The following CCDC85A variants were observed in gnomAD, a reference collection of about 807,000 sequenced individuals.
CCDC85A encodes the protein coiled-coil domain containing 85A, also known as coiled-coil domain-containing protein 85A.
Under a neutral mutation model 50.2 loss-of-function variants are expected in CCDC85A, and 38 were observed. The ratio of observed to expected loss-of-function variants is 0.76; its 90% CI spans 0.58 to 0.99. CCDC85A has a LOEUF of 0.99. Ranked by LOEUF, CCDC85A falls within the 50% of genes least tolerant of loss-of-function variation. The probability of loss-of-function intolerance (pLI) is 0.00; values close to 1 mark genes in which losing one functional copy is unlikely to be tolerated. For synonymous variants in CCDC85A, 366 were observed against 301.4 expected (o/e 1.21, Z -2.22); for missense variants, 820 against 742.0 (o/e 1.11, Z -1.22).
intron 2 of CCDC85A, among the ~76,000 whole-genome samples, chr2:56,217,528 C>T (rs941269720): frequency 1.8e-4 from 27 of 151,658 alleles, no homozygotes; most frequent in African/African-American, 6.1e-4. Context: ...TTTTTTGGTG[C>T]TTTAAAATGA....
At chr2:56,290,057 A>G (rs1428144425) in intron 2 of CCDC85A, among the ~76,000 whole-genome samples, 1 of 152,098 alleles carries the variant, frequency 6.6e-6, no homozygotes, top group Non-Finnish European at 1.5e-5. Context: ...GAGTTATTCT[A>G]CAGTCTGCTG....
chr2:56,371,329 A>T (rs1238862640), intron 3 of CCDC85A, among the ~76,000 whole-genome samples: 1 of 152,014 alleles, frequency 6.6e-6, no homozygotes, highest in Non-Finnish European at 1.5e-5. Context: ...TTCAACCTCC[A>T]AAAGTTAGAG....
chr2:56,203,761 G>A (rs1027058379), intron 2 of CCDC85A, among the ~76,000 whole-genome samples: 4 of 151,852 alleles, frequency 2.6e-5, no homozygotes, highest in African/African-American at 9.7e-5. Flanking sequence ...ACAGCTTTAC[G>A]GCAATGAAAA....
chr2:56,376,049 C>A, intron 5 of CCDC85A, 114 bp downstream of exon 5: 1 of 1,094,422 alleles, frequency 9.1e-7, no homozygotes. Context: ...TATTTTTTGA[C>A]TCCTTATGGT....
chr2:56,240,347 C>T (rs1669200802), intron 2 of CCDC85A, among the ~76,000 whole-genome samples: 1 of 152,146 alleles, frequency 6.6e-6, no homozygotes, highest in African/African-American at 2.4e-5. Flanking sequence ...AATGGGAAAC[C>T]TCTAGAGGGT....
chr2:56,375,926 T>G lies in CCDC85A; in HGVS notation c.1563T>G (p.His521Gln). 6.2e-7 allele frequency: 1 copy of G among 1,613,620 alleles called. No individual in the cohort carries two copies. The highest frequency in any genetic ancestry group is 8.5e-7 in the Non-Finnish European group (1 of 1,179,726). Residue 521 changes from histidine to glutamine, a missense_variant, in exon 5 of 6, where the codon CAT (histidine) becomes CAG (glutamine). Physicochemically the swap from His to Gln is conservative, Grantham distance 24. Transcript: ENST00000407595. ...CCCAGCAGCCTGAACCTGTGGTACA[T>G]TCTCTTAAGGTAACCAATCGTGTGC... ...TPSQQPEPVV[H>Q]SLKVVWRKLG...
intron 2 of CCDC85A, among the ~76,000 whole-genome samples, chr2:56,252,694 C>A (rs1406759730): frequency 1.3e-5 from 2 of 151,942 alleles, no homozygotes; most frequent in Non-Finnish European, 2.9e-5. Flanking sequence ...CCTCCTCGGG[C>A]CCCCCCGCCC....
At chr2:56,201,584 C>A (rs890954119) in intron 2 of CCDC85A, among the ~76,000 whole-genome samples, 4 of 152,198 alleles carry the variant, frequency 2.6e-5, no homozygotes, top group East Asian at 1.9e-4. Flanking sequence ...TCCTAAGTGT[C>A]CATAATTGCT....
intron 2 of CCDC85A, among the ~76,000 whole-genome samples, chr2:56,230,229 A>G (rs1428804441): frequency 1.3e-5 from 2 of 152,222 alleles, no homozygotes; most frequent in Non-Finnish European, 2.9e-5. Context: ...TAATTGAACT[A>G]AACCCTTCTT....
intron 3 of CCDC85A, among the ~76,000 whole-genome samples, chr2:56,356,789 G>A (rs1675251785): frequency 1.3e-5 from 2 of 151,134 alleles, no homozygotes; most frequent in Non-Finnish European, 2.9e-5. Flanking sequence ...TGAGCCCTAG[G>A]CCGGGCACGA....
At chr2:56,286,308 C>T (rs1006255517) in intron 2 of CCDC85A, among the ~76,000 whole-genome samples, 5 of 152,096 alleles carry the variant, frequency 3.3e-5, no homozygotes, top group Non-Finnish European at 7.4e-5. Flanking sequence ...AAATATTTTT[C>T]TGTTCCATTG....
chr2:56,343,042 G>A, intron 3 of CCDC85A, 87 bp downstream of exon 3: 1 of 919,832 alleles, frequency 1.1e-6, no homozygotes, highest in Non-Finnish European at 1.7e-6. Context: ...ATGACGTTTT[G>A]TCTTTTAAAT....
At chr2:56,241,818 G>T (rs1669270047) in intron 2 of CCDC85A, among the ~76,000 whole-genome samples, 1 of 152,148 alleles carries the variant, frequency 6.6e-6, no homozygotes, top group Non-Finnish European at 1.5e-5. Context: ...TTGATATACT[G>T]ATTTCCTTTT....
chr2:56,259,772 A>C (rs1247729869), intron 2 of CCDC85A, among the ~76,000 whole-genome samples: 3 of 152,192 alleles, frequency 2.0e-5, no homozygotes, highest in Admixed American at 6.5e-5. Flanking sequence ...ACTTAAAACC[A>C]GGAAGCTTCT....
At chr2:56,315,602 T>G (rs1301488926) in intron 2 of CCDC85A, among the ~76,000 whole-genome samples, 1 of 152,126 alleles carries the variant, frequency 6.6e-6, no homozygotes, top group Non-Finnish European at 1.5e-5. Flanking sequence ...TTAATCTGTA[T>G]GCTATTCCAT....
chr2:56,308,361 C>G (rs932984974), intron 2 of CCDC85A, among the ~76,000 whole-genome samples: 2 of 152,174 alleles, frequency 1.3e-5, no homozygotes, highest in Non-Finnish European at 2.9e-5. Flanking sequence ...TCCAAGAGGT[C>G]TGGACCCATT....
At chr2:56,334,130 T>A (rs1990759) in intron 2 of CCDC85A, among the ~76,000 whole-genome samples, 1 of 151,990 alleles carries the variant, frequency 6.6e-6, no homozygotes, top group Non-Finnish European at 1.5e-5. Flanking sequence ...TATCCTAGTA[T>A]TCTGGTTTGT....
intron 5 of CCDC85A, among the ~76,000 whole-genome samples, chr2:56,379,281 T>C (rs1218567965): frequency 6.6e-6 from 1 of 152,190 alleles, no homozygotes; most frequent in Non-Finnish European, 1.5e-5. Context: ...CTTACGTGCA[T>C]ATTCCTGGGT....
chr2:56,279,409 T>C (rs1312376039), intron 2 of CCDC85A, among the ~76,000 whole-genome samples: 2 of 151,710 alleles, frequency 1.3e-5, no homozygotes, highest in African/African-American at 4.8e-5. Context: ...TTAATAGTCA[T>C]TCCTTATTTC....
Sources: gnomAD v4.1 joint callset for allele counts (sites outside exome capture counted in the v4.1 genomes callset) on GRCh38, gnomAD v4.1.1 for gene constraint, MANE v1.5 for transcripts, NCBI Gene and HGNC (gene_info 2026-07-23, HGNC 2026-07-21) for gene names.